The following COLEC10 variants were observed in gnomAD, a reference collection of about 807,000 sequenced individuals.
COLEC10 encodes collectin subfamily member 10.
Under a neutral mutation model 28.4 loss-of-function variants are expected in COLEC10, and 22 were observed. That is an observed-to-expected ratio of 0.78 (90% confidence interval 0.55 to 1.11). The LOEUF (loss-of-function observed/expected upper bound fraction) is 1.11, where lower values mean the gene tolerates loss of function less well. COLEC10 is among the 50% of genes least tolerant of loss of function. COLEC10 has a pLI of 0.00. For synonymous variants in COLEC10, 125 were observed against 116.1 expected (o/e 1.08, Z -0.49); for missense variants, 361 against 344.1 (o/e 1.05, Z -0.39).
intron 1 of COLEC10, among the ~76,000 whole-genome samples, chr8:119,074,536 TCACTAGTCTC>T (rs1815188433): frequency 1.3e-5 from 2 of 152,202 alleles, no homozygotes; most frequent in South Asian, 4.1e-4. Context: ...ATCATTTCTT[TCACTAGTCTC>T]CACTACTGTT....
chr8:119,077,340 T>A (rs1563736469), intron 1 of COLEC10, among the ~76,000 whole-genome samples: 3 of 149,426 alleles, frequency 2.0e-5, no homozygotes, highest in Admixed American at 6.7e-5. Flanking sequence ...CAATGTTAAA[T>A]TTTTTTCTGC....
intron 1 of COLEC10, among the ~76,000 whole-genome samples, chr8:119,083,434 C>T (rs1295372234): frequency 6.6e-6 from 1 of 152,130 alleles, no homozygotes; most frequent in Non-Finnish European, 1.5e-5. Context: ...ACGGTCTAAA[C>T]CATATGGATT....
At chr8:118,958,156 C>G in the COLEC10 span, among the ~76,000 whole-genome samples, 1 of 152,108 alleles carries the variant, frequency 6.6e-6, no homozygotes, top group South Asian at 2.1e-4. Flanking sequence ...AATGCATAAA[C>G]AAAAAGCAGC....
chr8:119,086,695 A>C (rs1815487439), intron 1 of COLEC10, among the ~76,000 whole-genome samples: 1 of 152,234 alleles, frequency 6.6e-6, no homozygotes, highest in Non-Finnish European at 1.5e-5. Context: ...GGGAAAGCTT[A>C]TAGAAGGGGA....
intron 2 of COLEC10, among the ~76,000 whole-genome samples, chr8:119,055,911 C>T (rs1206737999): frequency 2.6e-5 from 4 of 151,952 alleles, no homozygotes; most frequent in Non-Finnish European, 4.4e-5. Flanking sequence ...ACTTTAATTA[C>T]GACTGATATG....
upstream of COLEC10, among the ~76,000 whole-genome samples, chr8:118,993,509 C>T (rs909409375): frequency 1.3e-5 from 2 of 152,054 alleles, no homozygotes; most frequent in African/African-American, 4.8e-5. Context: ...TGCCCACCAT[C>T]ACACCCGGCT....
At chr8:119,027,682 A>G in intron 2 of COLEC10, among the ~76,000 whole-genome samples, 1 of 152,082 alleles carries the variant, frequency 6.6e-6, no homozygotes, top group East Asian at 1.9e-4. Flanking sequence ...ACCTTGACCA[A>G]TTGTTTTGTG....
intron 2 of COLEC10, among the ~76,000 whole-genome samples, chr8:119,032,153 G>A (rs1331432609): frequency 6.6e-6 from 1 of 152,134 alleles, no homozygotes; most frequent in Non-Finnish European, 1.5e-5. Flanking sequence ...CCGTGAATCT[G>A]GTTTACAGTC....
chr8:119,078,677 T>A (rs1269310588), intron 1 of COLEC10, among the ~76,000 whole-genome samples: 1 of 152,124 alleles, frequency 6.6e-6, no homozygotes, highest in Non-Finnish European at 1.5e-5. Context: ...ACTTACAGTT[T>A]TTATATTTTG....
At chr8:118,975,690 T>A in the COLEC10 span, among the ~76,000 whole-genome samples, 7 of 152,106 alleles carry the variant, frequency 4.6e-5, no homozygotes, top group Admixed American at 2.0e-4. Context: ...AGAGAGGTGA[T>A]TTCCTAAGAG....
chr8:119,065,694 TA>T (rs1401301225), upstream of COLEC10, among the ~76,000 whole-genome samples: 2 of 151,472 alleles, frequency 1.3e-5, no homozygotes, highest in East Asian at 3.9e-4. Flanking sequence ...CCAACCATAC[TA>T]AAAATACAAA....
chr8:119,080,911 C>G (rs1815354689), intron 1 of COLEC10, among the ~76,000 whole-genome samples: 1 of 152,090 alleles, frequency 6.6e-6, no homozygotes, highest in Non-Finnish European at 1.5e-5. Context: ...TATCCAAGAG[C>G]TTTTGCTAAC....
intron 2 of COLEC10, 94 bp downstream of exon 2, chr8:119,089,845 G>A: frequency 2.1e-6 from 2 of 934,916 alleles, no homozygotes; most frequent in Non-Finnish European, 3.4e-6. Context: ...CTTTCATAAT[G>A]CCCTCTGCCC....
chr8:119,005,305 A>T (rs1359365844), intron 1 of COLEC10, among the ~76,000 whole-genome samples: 1 of 152,162 alleles, frequency 6.6e-6, no homozygotes, highest in Admixed American at 6.6e-5. Flanking sequence ...TCTTATTTTA[A>T]TCACAGTCAC....
At chr8:118,985,066 T>C in the COLEC10 span, among the ~76,000 whole-genome samples, 1 of 151,656 alleles carries the variant, frequency 6.6e-6, no homozygotes, top group Non-Finnish European at 1.5e-5. Context: ...AGATGAGATT[T>C]GGGGTGGGGG....
At chr8:119,053,642 T>C (rs1235152739) in intron 2 of COLEC10, among the ~76,000 whole-genome samples, 1 of 150,804 alleles carries the variant, frequency 6.6e-6, no homozygotes, top group Non-Finnish European at 1.5e-5. Context: ...TGTCTCCAGA[T>C]GGTAACAGTG....
chr8:118,996,401 G>C (rs973425966), intron 1 of COLEC10, among the ~76,000 whole-genome samples: 2 of 152,130 alleles, frequency 1.3e-5, no homozygotes, highest in African/African-American at 4.8e-5. Flanking sequence ...TGGATCATAT[G>C]ATAGTTCTAT....
At position 119,102,356 on chromosome 8, in the gene COLEC10, G is replaced by T; in HGVS notation, c.301G>T (p.Gly101Trp). The change falls in exon 4 of 6, where the codon GGG becomes TGG. Residue 101 changes from glycine to tryptophan, a missense_variant. By Grantham distance (184) the Gly-to-Trp change is radical (BLOSUM62 -2). Coordinates refer to ENST00000332843, the MANE Select transcript of COLEC10 (RefSeq NM_006438.5). ...CTATTGTTTTTTTTCAGGTGACAAA[G>T]GGGAAAAAGGTTTGCTTGGAATACC... ...TGPIGKKGDK[G>W]EKGLLGIPGE... 2 of 1,602,978 alleles carry T rather than the reference G, an allele frequency of 1.2e-6. No homozygotes were observed. The highest frequency in any genetic ancestry group is 1.7e-6 in the Non-Finnish European group (2 of 1,173,704).
chr8:118,989,514 T>TA, the COLEC10 span, among the ~76,000 whole-genome samples: 1 of 141,286 alleles, frequency 7.1e-6, no homozygotes. Context: ...AAGCAGGATT[T>TA]AAAAAAAAGA....
Sources: allele counts gnomAD v4.1 joint callset (sites outside exome capture counted in the v4.1 genomes callset), GRCh38; gene constraint gnomAD v4.1.1; transcripts MANE v1.5; gene names NCBI Gene and HGNC (gene_info 2026-07-23, HGNC 2026-07-21).